Variants in IL1RAPL2 observed in about 807,000 individuals in gnomAD.
IL1RAPL2 encodes interleukin 1 receptor accessory protein like 2.
IL1RAPL2 carries 3 observed loss-of-function variants against 44.1 expected under a neutral mutation model. The ratio of observed to expected loss-of-function variants is 0.07; its 90% CI spans 0.03 to 0.18. The LOEUF (loss-of-function observed/expected upper bound fraction) is 0.18. Among genes scored for constraint, IL1RAPL2 ranks in the 10% least tolerant of loss-of-function variants. The probability of loss-of-function intolerance (pLI) is 1.00; values close to 1 mark genes in which losing one functional copy is unlikely to be tolerated. For synonymous variants in IL1RAPL2, 181 were observed against 178.8 expected (o/e 1.01, Z -0.10); for missense variants, 391 against 496.4 (o/e 0.79, Z 2.02).
Position 105,070,859 on chromosome X carries a change from T to C in IL1RAPL2, c.83-124616T>C, listed in dbSNP as rs779670307. ...TGATATACATCTTTCCAGTTCCCTT[T>C]CTATGCATTTACATACACATGTATA... On this transcript the variant is annotated intron_variant, in intron 2 of 10. Transcript: ENST00000372582. Among the ~76,000 whole-genome samples, 5 of 110,024 alleles carry C rather than the reference T, an allele frequency of 4.5e-5. No homozygotes were observed. The South Asian group carries it at 1.9e-3, about 43-fold the overall frequency.
chrX:105,122,438 A>C (rs905444145), intron 2 of IL1RAPL2, among the ~76,000 whole-genome samples: 3 of 111,542 alleles, frequency 2.7e-5, no homozygotes, highest in Non-Finnish European at 5.7e-5. Flanking sequence ...AAAACTTTTT[A>C]AAGTAAAACC....
intron 6 of IL1RAPL2, among the ~76,000 whole-genome samples, chrX:105,517,880 AG>A (rs1335978506): frequency 1.7e-4 from 19 of 111,535 alleles, no homozygotes; most frequent in African/African-American, 4.5e-4. Context: ...AAACACACTT[AG>A]GGGGTTGAGG....
At chrX:105,143,634 A>G (rs2033148081) in intron 2 of IL1RAPL2, among the ~76,000 whole-genome samples, 1 of 112,400 alleles carries the variant, frequency 8.9e-6, no homozygotes, top group Admixed American at 9.4e-5. Flanking sequence ...TGCTATAAAG[A>G]CACATGCACA....
chrX:105,305,871 C>T (rs1029285191), intron 5 of IL1RAPL2, among the ~76,000 whole-genome samples: 3 of 111,458 alleles, frequency 2.7e-5, no homozygotes, highest in East Asian at 2.8e-4. Flanking sequence ...CCTTTCTCCC[C>T]GTCATTATTG....
At chrX:105,666,544 G>T (rs900971606) in intron 6 of IL1RAPL2, among the ~76,000 whole-genome samples, 13 of 111,734 alleles carry the variant, frequency 1.2e-4, no homozygotes, top group Non-Finnish European at 2.3e-4. Flanking sequence ...TAACAGAGCC[G>T]TAAAACAGAA....
At chrX:104,964,312 A>ATTTAT (rs1755120249) in intron 2 of IL1RAPL2, among the ~76,000 whole-genome samples, 1 of 95,122 alleles carries the variant, frequency 1.1e-5, no homozygotes, top group African/African-American at 3.7e-5. Context: ...TTATTTATTT[A>ATTTAT]TTTATTTTAT....
intron 2 of IL1RAPL2, among the ~76,000 whole-genome samples, chrX:105,020,166 T>C (rs940904733): frequency 4.6e-5 from 5 of 109,396 alleles, no homozygotes; most frequent in African/African-American, 1.7e-4. Flanking sequence ...TAGAGATTGG[T>C]GGGGGGGAGG....
chrX:105,124,319 A>G (rs2032954221), intron 2 of IL1RAPL2, among the ~76,000 whole-genome samples: 1 of 110,562 alleles, frequency 9.0e-6, no homozygotes, highest in East Asian at 2.8e-4. Context: ...ATCTCTACAC[A>G]GGAGAAAATA....
chrX:104,766,104 G>A (rs1932547795), intron 2 of IL1RAPL2, among the ~76,000 whole-genome samples: 1 of 112,039 alleles, frequency 8.9e-6, no homozygotes, highest in Non-Finnish European at 1.9e-5. Flanking sequence ...TGGCTCAGCA[G>A]TTATTGGCTA....
At chrX:104,903,759 A>C (rs1209173224) in intron 2 of IL1RAPL2, among the ~76,000 whole-genome samples, 1 of 109,538 alleles carries the variant, frequency 9.1e-6, no homozygotes, top group Non-Finnish European at 1.9e-5. Context: ...TTGTATTTTT[A>C]GTAGAAGCGG....
chrX:105,098,013 A>T (rs922287813), intron 2 of IL1RAPL2, among the ~76,000 whole-genome samples: 1 of 111,851 alleles, frequency 8.9e-6, no homozygotes, highest in African/African-American at 3.3e-5. Context: ...GCTCTGTTCT[A>T]TAATATTCCT....
At chrX:104,907,207 G>A (rs1241035949) in intron 2 of IL1RAPL2, among the ~76,000 whole-genome samples, 1 of 110,748 alleles carries the variant, frequency 9.0e-6, no homozygotes, top group East Asian at 2.8e-4. Flanking sequence ...TTCTTTATTA[G>A]TCTTGCTAAC....
At chrX:104,883,385 A>G (rs972936488) in intron 2 of IL1RAPL2, among the ~76,000 whole-genome samples, 2 of 111,159 alleles carry the variant, frequency 1.8e-5, no homozygotes, top group Non-Finnish European at 3.8e-5. Context: ...TTTGCCTGGA[A>G]CAAGCTTCTG....
chrX:104,938,331 TA>T lies in IL1RAPL2; in HGVS notation c.83-257143del, dbSNP rs1925075714. 3.6e-5 allele frequency among the ~76,000 whole-genome samples: 4 copies of T among 112,042 alleles called. No individual in the cohort carries two copies. The South Asian group carries it at 1.5e-3, about 42-fold the overall frequency. ...TTCTTGTCCAATATCAATATGGTGC[TA>T]TTATTTGATTATTGCTTTATCTTTT... is the stretch of plus-strand genomic sequence containing the variant. On this transcript the variant is annotated intron_variant, in intron 2 of 10. Transcript: ENST00000372582.
At chrX:105,760,904 C>G (rs1358730441) in intron 10 of IL1RAPL2, among the ~76,000 whole-genome samples, 3 of 111,458 alleles carry the variant, frequency 2.7e-5, no homozygotes, top group African/African-American at 9.8e-5. Flanking sequence ...CCCAGCCAGG[C>G]ACGGTGGCTC....
chrX:105,546,112 C>T (rs1039185431), intron 6 of IL1RAPL2, among the ~76,000 whole-genome samples: 2 of 111,293 alleles, frequency 1.8e-5, no homozygotes, highest in Non-Finnish European at 3.8e-5. Context: ...CCAGTTCTCA[C>T]GGCCTTCCAC....
intron 3 of IL1RAPL2, among the ~76,000 whole-genome samples, chrX:105,224,353 A>G (rs1460560527): frequency 8.9e-6 from 1 of 112,061 alleles, no homozygotes; most frequent in African/African-American, 3.2e-5. Context: ...CTAATAAGAT[A>G]TCCTTAGTGA....
At chrX:105,472,768 T>G (rs903245281) in intron 5 of IL1RAPL2, among the ~76,000 whole-genome samples, 1 of 112,023 alleles carries the variant, frequency 8.9e-6, no homozygotes, top group Non-Finnish European at 1.9e-5. Flanking sequence ...GCTGCCATCA[T>G]GTGGGAAATT....
At chrX:105,427,554 C>G (rs1381872710) in intron 5 of IL1RAPL2, among the ~76,000 whole-genome samples, 1 of 112,195 alleles carries the variant, frequency 8.9e-6, no homozygotes, top group African/African-American at 3.2e-5. Context: ...TATGTACAGA[C>G]CTTGCTGATT....
Sources: allele counts gnomAD v4.1 joint callset (sites outside exome capture counted in the v4.1 genomes callset), GRCh38; gene constraint gnomAD v4.1.1; transcripts MANE v1.5; gene names NCBI Gene and HGNC (gene_info 2026-07-23, HGNC 2026-07-21).